Variants in SFSWAP observed in about 807,000 individuals in gnomAD.
The protein encoded by SFSWAP is splicing factor, suppressor of white-apricot homolog.
Under a neutral mutation model 100.7 loss-of-function variants are expected in SFSWAP, and 17 were observed. The ratio of observed to expected loss-of-function variants is 0.17; its 90% CI spans 0.12 to 0.25. SFSWAP has a LOEUF of 0.25. Ranked by LOEUF, SFSWAP falls within the 10% of genes least tolerant of loss-of-function variation. The pLI is 1.00. For missense variants in SFSWAP, 1,005 were observed against 1,262.6 expected, an observed-to-expected ratio of 0.80 and a Z score of 3.09; for synonymous variants, 504 against 510.1, an observed-to-expected ratio of 0.99 and a Z score of 0.16.
Position 131,725,287 on chromosome 12 carries a change from G to C in SFSWAP, c.607-118G>C. ...ACAGCCTGGGCTCTTCCAGCTTAAAGTCTCGTATCTCTTAAAATTGACAGT... is the reference window on the plus strand; with the variant it reads ...ACAGCCTGGGCTCTTCCAGCTTAAACTCTCGTATCTCTTAAAATTGACAGT... On this transcript the variant is annotated intron_variant, in intron 4 of 17. Coordinates refer to ENST00000261674, the MANE Select transcript of SFSWAP (RefSeq NM_004592.4). The surrounding 1 kb of genome is among the most constrained non-coding windows in gnomAD (Gnocchi z 4.3). The C allele has an allele frequency of 1.2e-6, 1 of 853,108 alleles. No individual in the cohort carries two copies. Among genetic ancestry groups the C allele is most frequent in the South Asian group, 1.5e-5 (1 of 64,724 alleles). The allele number at this position is 853,108 out of a possible 1,614,324, so 52.8% of individuals were successfully genotyped here.
intron 7 of SFSWAP, among the ~76,000 whole-genome samples, chr12:131,740,551 C>G (rs146724001): frequency 6.6e-6 from 1 of 152,146 alleles, no homozygotes; most frequent in African/African-American, 2.4e-5. Context: ...TCCTGTCCCA[C>G]GCATTGGTGC....
Position 131,754,430 on chromosome 12 carries a change from A to G in SFSWAP, c.1385A>G (p.Lys462Arg), listed in dbSNP as rs1276554702. ...PPPDVQPVID[K>R]LAEYVARNGL... is the part of the protein sequence containing the mutation. ...CCCGACGTCCAGCCCGTGATTGACAAGCTGGCCGAGTATGTCGCCAGGAAC... is the reference window on the plus strand; with the variant it reads ...CCCGACGTCCAGCCCGTGATTGACAGGCTGGCCGAGTATGTCGCCAGGAAC... The change falls in exon 9 of 18, where the codon AAG (lysine) becomes AGG (arginine). Residue 462 changes from lysine to arginine, a missense_variant. Physicochemically the swap from Lys to Arg is conservative, Grantham distance 26. This residue lies in a region of SFSWAP where 311 missense variants were observed against 317.8 expected (regional missense o/e 0.98). Coordinates refer to ENST00000261674, the MANE Select transcript of SFSWAP (RefSeq NM_004592.4). 3 of 1,602,464 alleles carry G rather than the reference A, an allele frequency of 1.9e-6. No individual in the cohort carries two copies. Among genetic ancestry groups the G allele is most frequent in the Admixed American group, 3.5e-5 (2 of 57,018 alleles).
chr12:131,789,406 C>T (rs549635755), intron 15 of SFSWAP, among the ~76,000 whole-genome samples: 186 of 152,288 alleles, frequency 1.2e-3, no homozygotes, highest in Admixed American at 2.8e-3. Flanking sequence ...CACCTATAAT[C>T]CCAGCACTTG....
intron 13 of SFSWAP, among the ~76,000 whole-genome samples, chr12:131,776,413 G>A (rs974084932): frequency 1.3e-5 from 2 of 152,224 alleles, no homozygotes; most frequent in African/African-American, 4.8e-5. Context: ...AGAAATCACC[G>A]TGCCATCATA....
At chr12:131,728,876 A>G (rs1879243957) in intron 7 of SFSWAP, among the ~76,000 whole-genome samples, 1 of 151,864 alleles carries the variant, frequency 6.6e-6, no homozygotes, top group African/African-American at 2.4e-5. Flanking sequence ...TGATTTTTTG[A>G]TAGGGATGGG....
At chr12:131,749,540 G>C (rs1881429486) in intron 7 of SFSWAP, among the ~76,000 whole-genome samples, 1 of 152,210 alleles carries the variant, frequency 6.6e-6, no homozygotes, top group African/African-American at 2.4e-5. Flanking sequence ...CAAAATCCCT[G>C]TGTCCTATAG....
chr12:131,793,514 C>T (rs1885423667), intron 15 of SFSWAP, among the ~76,000 whole-genome samples: 3 of 152,044 alleles, frequency 2.0e-5, no homozygotes, highest in African/African-American at 4.8e-5. Context: ...AACCATTAAG[C>T]TTTTTGAAGA....
chr12:131,739,835 G>A (rs1020908435), intron 7 of SFSWAP, among the ~76,000 whole-genome samples: 7 of 151,942 alleles, frequency 4.6e-5, no homozygotes, highest in East Asian at 1.9e-4. Context: ...GAGCCACTGC[G>A]CCCAGCCCCC....
At chr12:131,727,808 T>C (rs1212725317) in intron 6 of SFSWAP, among the ~76,000 whole-genome samples, 2 of 152,208 alleles carry the variant, frequency 1.3e-5, no homozygotes, top group Non-Finnish European at 2.9e-5. Flanking sequence ...CTCAGCATTA[T>C]CTTGTGGTTA....
intron 16 of SFSWAP, among the ~76,000 whole-genome samples, chr12:131,797,658 C>A (rs1003293788): frequency 6.6e-6 from 1 of 152,240 alleles, no homozygotes; most frequent in Non-Finnish European, 1.5e-5. Flanking sequence ...GCCCACCAGG[C>A]ACACTGGGCT....
chr12:131,716,476 C>T (rs1877926012), intron 3 of SFSWAP, among the ~76,000 whole-genome samples: 1 of 152,184 alleles, frequency 6.6e-6, no homozygotes, highest in African/African-American at 2.4e-5. Context: ...ATCTCTAAGC[C>T]ACACACATGA....
At chr12:131,719,358 G>A in intron 3 of SFSWAP, 96 bp from the exon 4 acceptor site, 1 of 835,370 alleles carries the variant, frequency 1.2e-6, no homozygotes, top group Non-Finnish European at 2.0e-6. Flanking sequence ...AAAGAAGCAG[G>A]GACAGCCAGT....
chr12:131,727,925 T>C (rs913621774), intron 6 of SFSWAP, among the ~76,000 whole-genome samples: 1 of 152,228 alleles, frequency 6.6e-6, no homozygotes, highest in Non-Finnish European at 1.5e-5. Flanking sequence ...TGGGAATGAT[T>C]GCTGATTGAT....
rs954400604 is a variant in SFSWAP, at chr12:131,736,413, G to GA, written c.1081+7994dup. On this transcript the variant is annotated intron_variant, in intron 7 of 17. Coordinates refer to ENST00000261674, the MANE Select transcript of SFSWAP (RefSeq NM_004592.4). ...CAATTAATTTTTTAAAAAATGAGGG[G>GA]AAAAAAAAAGCCTGTATGTCTAAAC... Among the ~76,000 whole-genome samples the GA allele has an allele frequency of 1.4e-3, 211 of 149,482 alleles. 1 individual carries two copies. The Middle Eastern group carries it at 0.024, about 17-fold the overall frequency.
chr12:131,790,071 T>A (rs897035629), intron 15 of SFSWAP, among the ~76,000 whole-genome samples: 1 of 152,198 alleles, frequency 6.6e-6, no homozygotes, highest in African/African-American at 2.4e-5. Flanking sequence ...AAATAGTGAC[T>A]TTCCCCCTCT....
chr12:131,759,570 C>T (rs551809439), intron 11 of SFSWAP, among the ~76,000 whole-genome samples: 108 of 151,898 alleles, frequency 7.1e-4, no homozygotes, highest in African/African-American at 2.5e-3. Context: ...GAGGCCGAGG[C>T]GGGTGGATCA....
intron 9 of SFSWAP, 44 bp from the exon 10 acceptor site, chr12:131,755,342 G>T (rs1236471341): frequency 7.3e-7 from 1 of 1,376,058 alleles, no homozygotes; most frequent in Non-Finnish European, 1.0e-6. Flanking sequence ...ACTTCAGTGA[G>T]CTTGTCTTGG....
chr12:131,758,848 T>C (rs1264666544), intron 11 of SFSWAP, among the ~76,000 whole-genome samples: 1 of 152,126 alleles, frequency 6.6e-6, no homozygotes, highest in African/African-American at 2.4e-5. Context: ...TCACAGAGGC[T>C]GTGAAGTGGG....
At chr12:131,741,312 G>C (rs1212312860) in intron 7 of SFSWAP, among the ~76,000 whole-genome samples, 1 of 151,930 alleles carries the variant, frequency 6.6e-6, no homozygotes, top group Non-Finnish European at 1.5e-5. Flanking sequence ...ATATTATTTT[G>C]TTTGTTTGTA....
Sources: allele counts gnomAD v4.1 joint callset (sites outside exome capture counted in the v4.1 genomes callset), GRCh38; gene constraint gnomAD v4.1.1; regional missense constraint gnomAD v4.1.1; non-coding constraint Gnocchi (gnomAD v3.1); transcripts MANE v1.5; gene names NCBI Gene and HGNC (gene_info 2026-07-23, HGNC 2026-07-21).